The following FNBP1L variants were observed in gnomAD, a reference collection of about 807,000 sequenced individuals.
FNBP1L encodes formin binding protein 1 like.
FNBP1L carries 36 observed loss-of-function variants against 91.2 expected under a neutral mutation model. That is an observed-to-expected ratio of 0.39 (90% CI 0.30 to 0.52). The LOEUF is 0.52. Among genes scored for constraint, FNBP1L ranks in the 20% least tolerant of loss-of-function variants. The probability of loss-of-function intolerance (pLI) is 0.66; values close to 1 mark genes in which losing one functional copy is unlikely to be tolerated. For synonymous variants in FNBP1L, 242 were observed against 237.0 expected, an observed-to-expected ratio of 1.02 and a Z score of -0.19; for missense variants, 571 against 732.1, an observed-to-expected ratio of 0.78 and a Z score of 2.54.
chr1:93,544,320 T>A (rs895088257), intron 12 of FNBP1L, 104 bp downstream of exon 12: 5 of 613,874 alleles, frequency 8.1e-6, no homozygotes, highest in African/African-American at 7.7e-5. Context: ...TATATCCTAA[T>A]TGAAATATCT....
At chr1:93,506,049 A>G (rs961314311) in intron 2 of FNBP1L, among the ~76,000 whole-genome samples, 1 of 152,208 alleles carries the variant, frequency 6.6e-6, no homozygotes, top group Non-Finnish European at 1.5e-5. Flanking sequence ...TTCGTGGCCG[A>G]AAGTGATGGA....
In FNBP1L at chr1:93,552,460, A is replaced by C; in HGVS notation, c.*44A>C. 1 of 1,610,446 alleles carries C rather than the reference A, an allele frequency of 6.2e-7. No individual in the cohort carries two copies. The highest frequency in any genetic ancestry group is 1.7e-5 in the Admixed American group (1 of 59,718). On this transcript the variant is annotated 3_prime_UTR_variant, in exon 17 of 17. Transcript: ENST00000271234. ...TGGGCAAGATGTTGAAGGAGGTTAC[A>C]TGCAGCTGCTTTTGGGGGAGGGTAT...
intron 1 of FNBP1L, among the ~76,000 whole-genome samples, chr1:93,494,167 G>A (rs1344103006): frequency 6.6e-6 from 1 of 152,122 alleles, no homozygotes; most frequent in Non-Finnish European, 1.5e-5. Flanking sequence ...TTGCTGTAAT[G>A]ACTTACAGAA....
Position 93,473,121 on chromosome 1 carries a change from ATTTC to A in FNBP1L, c.24+24820_24+24823del, listed in dbSNP as rs574036730. 8.6e-4 allele frequency among the ~76,000 whole-genome samples: 131 copies of A among 151,990 alleles called. 1 individual carries two copies. In the South Asian group the frequency reaches 0.027, roughly 31 times the overall value. On this transcript the variant is annotated intron_variant, in intron 1 of 16. Coordinates refer to ENST00000271234, the MANE Select transcript of FNBP1L (RefSeq NM_001164473.3). ...TCTTAGTATCATCTTAGATTTGTCT[ATTTC>A]TTTTTTTCATCTCTTTTATAATTAT...
intron 1 of FNBP1L, among the ~76,000 whole-genome samples, chr1:93,481,267 T>C (rs1315637348): frequency 6.6e-6 from 1 of 152,034 alleles, no homozygotes; most frequent in Non-Finnish European, 1.5e-5. Flanking sequence ...AGGCTAAAAG[T>C]GTGAGGCAGC....
intron 1 of FNBP1L, among the ~76,000 whole-genome samples, chr1:93,452,040 A>G (rs970051686): frequency 6.6e-6 from 1 of 152,188 alleles, no homozygotes; most frequent in Non-Finnish European, 1.5e-5. Flanking sequence ...GATTAGGTGG[A>G]TAATTTATGT....
intron 2 of FNBP1L, among the ~76,000 whole-genome samples, chr1:93,500,157 T>C (rs2101725751): frequency 6.6e-6 from 1 of 152,308 alleles, no homozygotes; most frequent in East Asian, 1.9e-4. Context: ...GTGCTTGAAG[T>C]CTGAAGACTA....
At chr1:93,547,758 G>A (rs1002925432) in intron 14 of FNBP1L, among the ~76,000 whole-genome samples, 5 of 151,982 alleles carry the variant, frequency 3.3e-5, no homozygotes, top group East Asian at 3.8e-4. Flanking sequence ...AATTAGGGTC[G>A]CTTATGCCAA....
chr1:93,475,111 A>G (rs1170462700), intron 1 of FNBP1L, among the ~76,000 whole-genome samples: 1 of 152,110 alleles, frequency 6.6e-6, no homozygotes, highest in East Asian at 1.9e-4. Flanking sequence ...GTCTAGAATG[A>G]TGATACACAT....
chr1:93,496,417 T>A (rs1206550172), intron 1 of FNBP1L, among the ~76,000 whole-genome samples: 1 of 152,092 alleles, frequency 6.6e-6, no homozygotes, highest in African/African-American at 2.4e-5. Flanking sequence ...TATTAATATT[T>A]ATTTTTGAGA....
rs566290744 is a variant in FNBP1L, at chr1:93,549,522, T to C, written c.1651+96T>C. 265 of 951,790 alleles carry C rather than the reference T, an allele frequency of 2.8e-4. No homozygotes were observed. The Admixed American group carries it at 4.3e-3, about 16-fold the overall frequency. The allele number at this position is 951,790 out of a possible 1,614,324, so 59.0% of individuals were successfully genotyped here. Reference sequence around the variant, plus strand: ...CTGTAGTATCCTTATTTAAGTAATATATGTTGTCAGAAAATTATTATCCCA... The same window carrying C: ...CTGTAGTATCCTTATTTAAGTAATACATGTTGTCAGAAAATTATTATCCCA... On this transcript the variant is annotated intron_variant, in intron 15 of 16. Transcript: ENST00000271234.
intron 1 of FNBP1L, among the ~76,000 whole-genome samples, chr1:93,461,491 T>G (rs535567871): frequency 6.6e-6 from 1 of 152,334 alleles, no homozygotes; most frequent in African/African-American, 2.4e-5. Flanking sequence ...TTTTGGACTT[T>G]CCTTTGTAGT....
At chr1:93,490,954 TTTAAGAGA>T (rs1159839753) in intron 1 of FNBP1L, among the ~76,000 whole-genome samples, 12 of 152,176 alleles carry the variant, frequency 7.9e-5, no homozygotes, top group African/African-American at 2.9e-4. Context: ...CTTAATTATT[TTTAAGAGA>T]TTGGGTTTTG....
At chr1:93,504,075 A>G (rs769403464) in intron 2 of FNBP1L, among the ~76,000 whole-genome samples, 1 of 152,200 alleles carries the variant, frequency 6.6e-6, no homozygotes, top group Admixed American at 6.5e-5. Flanking sequence ...CAGAGATTAT[A>G]TTATGTGCAT....
chr1:93,479,797 T>A (rs1038619974), intron 1 of FNBP1L, among the ~76,000 whole-genome samples: 1 of 152,160 alleles, frequency 6.6e-6, no homozygotes, highest in East Asian at 1.9e-4. Context: ...AAAATCGCTG[T>A]TATTCTGTTC....
intron 1 of FNBP1L, among the ~76,000 whole-genome samples, chr1:93,484,173 C>T (rs1211805430): frequency 3.3e-5 from 5 of 152,134 alleles, no homozygotes; most frequent in African/African-American, 9.7e-5. Context: ...GTGATCCTCC[C>T]GCCTTGGCCT....
chr1:93,475,667 TTAGA>T (rs1438326445), intron 1 of FNBP1L, among the ~76,000 whole-genome samples: 3 of 152,174 alleles, frequency 2.0e-5, no homozygotes, highest in African/African-American at 7.2e-5. Context: ...AGTGTAAATG[TTAGA>T]TAAATAAGCT....
At chr1:93,541,356 C>T (rs1672037459) in intron 11 of FNBP1L, among the ~76,000 whole-genome samples, 1 of 152,160 alleles carries the variant, frequency 6.6e-6, no homozygotes, top group Middle Eastern at 3.4e-3. Context: ...GGTAGAGCCA[C>T]AGTTTGTTAT....
chr1:93,536,383 A>C lies in FNBP1L; in HGVS notation c.1042A>C (p.Asn348His). Residue 348 changes from asparagine to histidine, a missense_variant, in exon 10 of 17, where the codon AAT becomes CAT. Transcript: ENST00000271234. ...TAGTTTATTCACATCCAGTACTCCTAATGGGTCCCAGTTTCTCACATTCTC... is the reference window on the plus strand; with the variant it reads ...TAGTTTATTCACATCCAGTACTCCTCATGGGTCCCAGTTTCTCACATTCTC... ...PTSLFTSSTP[N>H]GSQFLTFSIE... 1 of 1,550,834 alleles carries C rather than the reference A, an allele frequency of 6.4e-7. No individual in the cohort carries two copies. The highest frequency in any genetic ancestry group is 1.4e-5 in the African/African-American group (1 of 73,090).
Sources: allele counts gnomAD v4.1 joint callset (sites outside exome capture counted in the v4.1 genomes callset), GRCh38; gene constraint gnomAD v4.1.1; transcripts MANE v1.5; gene names NCBI Gene and HGNC (gene_info 2026-07-23, HGNC 2026-07-21).